Variants in DNAAF5 observed in about 807,000 individuals in gnomAD.
DNAAF5 encodes HEAT repeat containing 2.
Under a neutral mutation model 75.8 loss-of-function variants are expected in DNAAF5, and 64 were observed. That is an observed-to-expected ratio of 0.84 (90% CI 0.69 to 1.04). The LOEUF is 1.04. DNAAF5 is among the 50% of genes least tolerant of loss of function. The probability of loss-of-function intolerance (pLI) is 0.00; values close to 1 mark genes in which losing one functional copy is unlikely to be tolerated. For synonymous variants in DNAAF5, 657 were observed against 557.2 expected, an observed-to-expected ratio of 1.18 and a Z score of -2.52; for missense variants, 1,269 against 1,178.5, an observed-to-expected ratio of 1.08 and a Z score of -1.12.
In DNAAF5 at chr7:741,390, C is replaced by G; in HGVS notation, c.949C>G (p.Gln317Glu). The change falls in exon 4 of 13, where the codon CAG (glutamine) becomes GAG (glutamate). Residue 317 changes from glutamine (Q) to glutamate (E), a missense_variant. Transcript: ENST00000297440. ...SLWEDVGLQW[Q>E]KENEEDLKDK... ...CTGGGAGGACGTTGGCCTGCAGTGG[C>G]AGAAGGAGAATGAGGAGGACCTGAA... is the stretch of plus-strand genomic sequence containing the variant. The G allele has an allele frequency of 6.3e-7, 1 of 1,583,446 alleles. No homozygotes were observed. Among genetic ancestry groups the G allele is most frequent in the Non-Finnish European group, 8.6e-7 (1 of 1,165,586 alleles).
intron 4 of DNAAF5, among the ~76,000 whole-genome samples, chr7:752,609 G>A (rs943173902): frequency 7.4e-5 from 11 of 147,778 alleles, no homozygotes; most frequent in Middle Eastern, 3.9e-3. Flanking sequence ...ACGCTTCCCT[G>A]GGTGCATCCT....
chr7:781,025 C>T (rs192568329), intron 12 of DNAAF5, among the ~76,000 whole-genome samples: 40 of 152,156 alleles, frequency 2.6e-4, no homozygotes, highest in African/African-American at 8.9e-4. Context: ...CTTACACTTT[C>T]TTTGTGTTAC....
At chr7:771,506 A>G (rs1328351451) in intron 9 of DNAAF5, 1 of 152,274 alleles carries the variant, frequency 6.6e-6, no homozygotes, top group East Asian at 1.9e-4. Context: ...CTCATGTGGA[A>G]AGAGTCCAGG....
At chr7:785,240 G>A (rs927569170) in intron 12 of DNAAF5, among the ~76,000 whole-genome samples, 27 of 148,292 alleles carry the variant, frequency 1.8e-4, no homozygotes, top group African/African-American at 4.1e-4. Context: ...ATCCAGCAGC[G>A]TCAGGTCATT....
chr7:776,786 A>T (rs1259242357), intron 11 of DNAAF5, among the ~76,000 whole-genome samples: 1 of 152,182 alleles, frequency 6.6e-6, no homozygotes, highest in Non-Finnish European at 1.5e-5. Context: ...GGCCCCCGCC[A>T]CCCAGGCCAT....
chr7:754,778 T>C lies in DNAAF5; in HGVS notation c.1214T>C (p.Leu405Pro), dbSNP rs756648630. Residue 405 changes from leucine to proline, a missense_variant, in exon 5 of 13, where the codon CTG (leucine) becomes CCG (proline). Transcript: ENST00000297440. The surrounding 1 kb of genome is among the most constrained non-coding windows in gnomAD (Gnocchi z 4.8). ...CACCTGGAGGTCGTCCTCCGGACCC[T>C]GTTCCAGGCCTGCACCGACGAGGAG... ...TQHLEVVLRTLFQACTDEEAA... is the reference protein window; with the variant it reads ...TQHLEVVLRTPFQACTDEEAA... 2 of 1,612,844 alleles carry C rather than the reference T, an allele frequency of 1.2e-6. No homozygotes were observed. Among genetic ancestry groups the C allele is most frequent in the Admixed American group, 3.3e-5 (2 of 59,982 alleles).
chr7:769,128 C>G, intron 8 of DNAAF5: 1 of 765,820 alleles, frequency 1.3e-6, no homozygotes. Flanking sequence ...TCTCAGTCCA[C>G]TACCGAGCAG....
chr7:767,125 G>A (rs1015047485), intron 8 of DNAAF5, among the ~76,000 whole-genome samples: 21 of 151,900 alleles, frequency 1.4e-4, no homozygotes, highest in Admixed American at 9.8e-4. Context: ...TGTGGTCCCA[G>A]CTACTCGGGA....
At chr7:766,108 G>A (rs1358157164) in intron 8 of DNAAF5, among the ~76,000 whole-genome samples, 2 of 152,128 alleles carry the variant, frequency 1.3e-5, no homozygotes, top group Non-Finnish European at 2.9e-5. Flanking sequence ...GGATTAACAG[G>A]CATAAGCCAC....
chr7:739,987 C>T (rs1018306026), intron 2 of DNAAF5, among the ~76,000 whole-genome samples: 4 of 152,170 alleles, frequency 2.6e-5, no homozygotes, highest in Admixed American at 1.3e-4. Context: ...GGATGAGGCT[C>T]CTGCTCCCCA....
chr7:774,434 C>G (rs76962855), intron 10 of DNAAF5, among the ~76,000 whole-genome samples: 1 of 152,096 alleles, frequency 6.6e-6, no homozygotes, highest in Non-Finnish European at 1.5e-5. Context: ...CCAGCCAGCC[C>G]GGTCGTGCTG....
chr7:776,610 G>A (rs1021933628), intron 11 of DNAAF5, among the ~76,000 whole-genome samples: 60 of 152,286 alleles, frequency 3.9e-4, no homozygotes, highest in African/African-American at 1.3e-3. Context: ...CAGTGTCGCC[G>A]CCTCCTGGAG....
chr7:754,886 G>C lies in DNAAF5; in HGVS notation c.1257+65G>C. 8.0e-7 allele frequency: 1 copy of C among 1,253,096 alleles called. No homozygotes were observed. Among genetic ancestry groups the C allele is most frequent in the South Asian group, 1.4e-5 (1 of 70,796 alleles). 77.6% of individuals were successfully genotyped at this position (1,253,096 alleles called of 1,614,324 possible). ...CTCGAGCTTAAGATCCCGCCTCTGT[G>C]GTGTGCGGGGCCCGAGGCTGTACTG... On this transcript the variant is annotated intron_variant, in intron 5 of 12. Transcript: ENST00000297440. The surrounding 1 kb of genome is among the most constrained non-coding windows in gnomAD (Gnocchi z 4.8).
At chr7:774,686 C>T (rs1778699293) in intron 10 of DNAAF5, among the ~76,000 whole-genome samples, 1 of 152,206 alleles carries the variant, frequency 6.6e-6, no homozygotes, top group Non-Finnish European at 1.5e-5. Flanking sequence ...ATCAGCGCCA[C>T]CTCCTGGTGC....
At chr7:731,380 A>G (rs914430009) in intron 2 of DNAAF5, among the ~76,000 whole-genome samples, 2 of 152,234 alleles carry the variant, frequency 1.3e-5, no homozygotes, top group Non-Finnish European at 2.9e-5. Context: ...CGCTCTGTAA[A>G]TACTGGAACT....
At chr7:762,445 C>A (rs1000055280) in intron 7 of DNAAF5, among the ~76,000 whole-genome samples, 1 of 150,794 alleles carries the variant, frequency 6.6e-6, no homozygotes, top group Non-Finnish European at 1.5e-5. Context: ...CAAGATCGTG[C>A]CACTGCACTC....
intron 10 of DNAAF5, 40 bp from the exon 11 acceptor site, chr7:774,966 G>C (rs763300270): frequency 6.2e-7 from 1 of 1,609,092 alleles, no homozygotes; most frequent in Non-Finnish European, 8.5e-7. Flanking sequence ...CCCACCCCAG[G>C]ACAGATGTGA....
chr7:742,253 C>T (rs1009634994), intron 4 of DNAAF5, among the ~76,000 whole-genome samples: 4 of 152,186 alleles, frequency 2.6e-5, no homozygotes, highest in Non-Finnish European at 5.9e-5. Context: ...ATAATAGATA[C>T]GCACTGACGA....
chr7:769,249 C>T lies in DNAAF5; in HGVS notation c.1784-1222C>T, dbSNP rs538244980. Reference sequence around the variant, plus strand: ...GATAAGCCAGTGGACGCTCCCTCTACACTGGCCCGGGGCCAGAGCGCCTCC... The same window carrying T: ...GATAAGCCAGTGGACGCTCCCTCTATACTGGCCCGGGGCCAGAGCGCCTCC... On this transcript the variant is annotated intron_variant, in intron 8 of 12. Coordinates refer to ENST00000297440, the MANE Select transcript of DNAAF5 (RefSeq NM_017802.4). 6.3e-4 allele frequency: 466 copies of T among 740,368 alleles called. 2 individuals carry two copies. In the African/African-American group the frequency reaches 7.1e-3, roughly 11 times the overall value. The allele number at this position is 740,368 out of a possible 1,614,324, so 45.9% of individuals were successfully genotyped here. A position where few individuals can be genotyped will look rare whatever the true frequency, so the allele number is the denominator to read the frequency against.
Sources: allele counts gnomAD v4.1 joint callset (sites outside exome capture counted in the v4.1 genomes callset), GRCh38; gene constraint gnomAD v4.1.1; non-coding constraint Gnocchi (gnomAD v3.1); transcripts MANE v1.5; gene names NCBI Gene and HGNC (gene_info 2026-07-23, HGNC 2026-07-21).